BTBD9: variants seen among roughly 807,000 people sequenced by gnomAD.
The protein encoded by BTBD9 is BTB domain containing 9, also known as BTB/POZ domain-containing protein 9.
In BTBD9, 49 loss-of-function variants were observed where a neutral mutation model predicts 64.3. That is an observed-to-expected ratio of 0.76 (90% CI 0.61 to 0.97). BTBD9 has a LOEUF of 0.97. Ranked by LOEUF, BTBD9 falls within the 50% of genes least tolerant of loss-of-function variation. BTBD9 has a pLI of 0.00. For missense variants in BTBD9, 598 were observed against 762.1 expected, an observed-to-expected ratio of 0.78 and a Z score of 2.53; for synonymous variants, 260 against 274.7, an observed-to-expected ratio of 0.95 and a Z score of 0.53.
rs539273004 is a variant in BTBD9, at chr6:38,458,054, C to T, written c.1155-112961G>A. ...GTAGTCCCAGAGAGCAAGCTTTACG[C>T]GCCAGATTTTGCCATATCCATGATG... On this transcript the variant is annotated intron_variant, in intron 6 of 10. Transcript: ENST00000481247. 4.9e-4 allele frequency among the ~76,000 whole-genome samples: 74 copies of T among 152,208 alleles called. 1 individual carries two copies. In the South Asian group the frequency reaches 0.013, roughly 26 times the overall value.
intron 6 of BTBD9, among the ~76,000 whole-genome samples, chr6:38,512,023 G>A (rs1772797056): frequency 6.6e-6 from 1 of 152,060 alleles, no homozygotes; most frequent in Non-Finnish European, 1.5e-5. Flanking sequence ...GCCCAGGCTG[G>A]AGTGCAATGG....
chr6:38,347,251 C>T (rs988414588), intron 6 of BTBD9, among the ~76,000 whole-genome samples: 6 of 151,976 alleles, frequency 3.9e-5, no homozygotes, highest in Non-Finnish European at 8.8e-5. Context: ...CATTTTATAC[C>T]CTTATGATAG....
rs1313053390 is a variant in BTBD9 at position 38,211,970 on chromosome 6, C to T, written c.1563-19373G>A. The stretch of plus-strand genomic sequence containing the variant: ...CAATTGACTCTTCTCGTGTGACTGA[C>T]CCATGGCTGGGTGATGTGGGGAAGG... On this transcript the variant is annotated intron_variant, in intron 9 of 10. Coordinates refer to ENST00000481247, the MANE Select transcript of BTBD9 (RefSeq NM_001099272.2). Among the ~76,000 whole-genome samples, 5 of 152,192 alleles carry T rather than the reference C, an allele frequency of 3.3e-5. No individual in the cohort carries two copies. In the South Asian group the frequency reaches 1.0e-3, roughly 32 times the overall value.
intron 6 of BTBD9, among the ~76,000 whole-genome samples, chr6:38,545,877 C>T (rs898933884): frequency 3.8e-4 from 57 of 149,494 alleles, no homozygotes; most frequent in African/African-American, 1.4e-3. Context: ...CACACACACA[C>T]ACACACACAC....
intron 1 of BTBD9, among the ~76,000 whole-genome samples, chr6:38,606,365 G>A (rs1554181761): frequency 1.3e-5 from 2 of 151,942 alleles, no homozygotes; most frequent in Non-Finnish European, 2.9e-5. Flanking sequence ...AAATAAAAAA[G>A]GTTCCCACAA....
intron 8 of BTBD9, among the ~76,000 whole-genome samples, chr6:38,260,358 A>T (rs1424296722): frequency 6.6e-6 from 1 of 152,176 alleles, no homozygotes; most frequent in African/African-American, 2.4e-5. Context: ...GGGATTTTTA[A>T]TTATTTATGG....
At position 38,480,458 on chromosome 6, in the gene BTBD9, C is replaced by A. The variant is rs559614168; in HGVS notation, c.1154+97142G>T. On this transcript the variant is annotated intron_variant, in intron 6 of 10. Transcript: ENST00000481247. The stretch of plus-strand genomic sequence containing the variant: ...AAGTGTAGGTCAGATTGGTGCAAGT[C>A]CTGTCAAATGGGCATTGGTGGGTTA... 3.9e-5 allele frequency among the ~76,000 whole-genome samples: 6 copies of A among 152,148 alleles called. No homozygotes were observed. The East Asian group carries it at 1.2e-3, about 29-fold the overall frequency.
At chr6:38,421,375 C>T (rs1168293142) in intron 6 of BTBD9, among the ~76,000 whole-genome samples, 1 of 151,920 alleles carries the variant, frequency 6.6e-6, no homozygotes, top group Non-Finnish European at 1.5e-5. Context: ...AACAAACAAA[C>T]AAAAAAGAAA....
rs569909457 is a variant in BTBD9, at chr6:38,383,535, T to G, written c.1155-38442A>C. ...TTCTGCAGCAAGCAAGCAGAATACA[T>G]TGAATTAAAAGACACTGTACAAAAT... is the stretch of plus-strand genomic sequence containing the variant. On this transcript the variant is annotated intron_variant, in intron 6 of 10. Transcript: ENST00000481247. Among the ~76,000 whole-genome samples the G allele has an allele frequency of 4.6e-5, 7 of 152,224 alleles. No homozygotes were observed. The East Asian group carries it at 1.3e-3, about 29-fold the overall frequency.
chr6:38,268,906 C>T (rs373094448), intron 8 of BTBD9, among the ~76,000 whole-genome samples: 4 of 152,180 alleles, frequency 2.6e-5, no homozygotes, highest in African/African-American at 4.8e-5. Flanking sequence ...CTGTTTATTC[C>T]GGTGGGCCAT....
intron 9 of BTBD9, among the ~76,000 whole-genome samples, chr6:38,254,140 A>C (rs1447855505): frequency 6.6e-6 from 1 of 151,384 alleles, no homozygotes; most frequent in Non-Finnish European, 1.5e-5. Flanking sequence ...GCTGATGCTG[A>C]GGAGGACCTA....
rs1473442794 is a variant in BTBD9 at position 38,580,125 on chromosome 6, TAAACCATCATATCTGTA to T, written c.1034+76_1034+92del. 93 of 1,195,100 alleles carry T rather than the reference TAAACCATCATATCTGTA, an allele frequency of 7.8e-5. No individual in the cohort carries two copies. The East Asian group carries it at 1.8e-3, about 23-fold the overall frequency. 74.0% of individuals were successfully genotyped at this position (1,195,100 alleles called of 1,614,324 possible). ...AGATAGCAGAATGATCACAAAGAAA[TAAACCATCATATCTGTA>T]AAACAAAAGTAGATGACCACAAAGC... On this transcript the variant is annotated intron_variant, in intron 5 of 10. Transcript: ENST00000481247.
intron 6 of BTBD9, among the ~76,000 whole-genome samples, chr6:38,491,325 T>C (rs570124366): frequency 6.6e-6 from 1 of 152,332 alleles, no homozygotes; most frequent in East Asian, 1.9e-4. Flanking sequence ...TACATAATAG[T>C]GGCATTGTGT....
chr6:38,245,015 T>C (rs1023975850), intron 9 of BTBD9, among the ~76,000 whole-genome samples: 1 of 152,100 alleles, frequency 6.6e-6, no homozygotes, highest in African/African-American at 2.4e-5. Flanking sequence ...CTCCAGACAG[T>C]AACAAGACAA....
chr6:38,364,153 T>C (rs115299622), intron 6 of BTBD9, among the ~76,000 whole-genome samples: 142 of 152,246 alleles, frequency 9.3e-4, no homozygotes, highest in African/African-American at 3.2e-3. Context: ...ATCACATTCA[T>C]TGGTGCCAAG....
intron 6 of BTBD9, chr6:38,482,198 T>A (rs993899477): frequency 1.3e-5 from 2 of 152,204 alleles, no homozygotes; most frequent in African/African-American, 4.8e-5. Flanking sequence ...CGAAGCCCTC[T>A]ACGCCCCCAA....
chr6:38,304,079 GACACACTCC>G (rs371962817), intron 7 of BTBD9, among the ~76,000 whole-genome samples: 6 of 150,908 alleles, frequency 4.0e-5, no homozygotes, highest in African/African-American at 7.3e-5. Context: ...GACACAACCA[GACACACTCC>G]ACACACTCAC....
chr6:38,430,158 G>T (rs779203663), intron 6 of BTBD9, among the ~76,000 whole-genome samples: 3 of 151,888 alleles, frequency 2.0e-5, no homozygotes, highest in Non-Finnish European at 2.9e-5. Context: ...TTCCTAGGTA[G>T]GTACTATCCT....
chr6:38,303,860 T>TATATATAG (rs1762506657), intron 7 of BTBD9, among the ~76,000 whole-genome samples: 1 of 124,918 alleles, frequency 8.0e-6, no homozygotes, highest in Non-Finnish European at 1.7e-5. Flanking sequence ...TATATATATA[T>TATATATAG]ATATATATAT....
Sources: gnomAD v4.1 joint callset for allele counts (sites outside exome capture counted in the v4.1 genomes callset) on GRCh38, gnomAD v4.1.1 for gene constraint, MANE v1.5 for transcripts, NCBI Gene and HGNC (gene_info 2026-07-23, HGNC 2026-07-21) for gene names.